The following GRID2 variants were observed in gnomAD, a reference collection of about 807,000 sequenced individuals.
GRID2 encodes the protein glutamate receptor ionotropic, delta-2.
A neutral mutation model predicts 114.8 loss-of-function variants in GRID2; 33 were observed. That is an observed-to-expected ratio of 0.29 (90% CI 0.22 to 0.38). The LOEUF (loss-of-function observed/expected upper bound fraction) is 0.38, where lower values mean the gene tolerates loss of function less well. GRID2 is among the 10% of genes least tolerant of loss of function. GRID2 has a pLI of 1.00. For synonymous variants in GRID2, 505 were observed against 449.9 expected (o/e 1.12, Z -1.55); for missense variants, 1,184 against 1,257.7 (o/e 0.94, Z 0.89).
Position 92,477,537 on chromosome 4 carries a change from C to T in GRID2, c.89-112594C>T, listed in dbSNP as rs143919106. Among the ~76,000 whole-genome samples, 19 of 151,896 alleles carry T rather than the reference C, an allele frequency of 1.3e-4. 1 individual carries two copies. In the East Asian group the frequency reaches 2.5e-3, roughly 20 times the overall value. ...AATACCTTTAATATGTGAATCTATGCATCATACTCACCATTTATCACTCTA... is the reference window on the plus strand; with the variant it reads ...AATACCTTTAATATGTGAATCTATGTATCATACTCACCATTTATCACTCTA... On this transcript the variant is annotated intron_variant, in intron 1 of 15. Coordinates refer to ENST00000282020, the MANE Select transcript of GRID2 (RefSeq NM_001510.4).
At chr4:93,535,672 A>G (rs1731987616) in intron 13 of GRID2, among the ~76,000 whole-genome samples, 3 of 151,876 alleles carry the variant, frequency 2.0e-5, no homozygotes, top group South Asian at 2.1e-4. Flanking sequence ...TTTTTCTTAT[A>G]CCTGTTGGCC....
At chr4:93,697,025 C>CA (rs1418002557) in intron 14 of GRID2, among the ~76,000 whole-genome samples, 4 of 151,972 alleles carry the variant, frequency 2.6e-5, no homozygotes, top group African/African-American at 7.2e-5. Flanking sequence ...TGCTATTATG[C>CA]AAAAAATACT....
At chr4:93,227,394 A>T (rs539970866) in intron 7 of GRID2, among the ~76,000 whole-genome samples, 35 of 151,754 alleles carry the variant, frequency 2.3e-4, no homozygotes, top group African/African-American at 8.5e-4. Flanking sequence ...CACCTGGCTA[A>T]TTTTTTGTAT....
intron 4 of GRID2, among the ~76,000 whole-genome samples, chr4:93,122,205 A>G (rs951678985): frequency 1.3e-5 from 2 of 152,150 alleles, no homozygotes; most frequent in Non-Finnish European, 2.9e-5. Flanking sequence ...AGGTTTTTCT[A>G]GAAACTTGTT....
chr4:92,679,558 T>G (rs1733544286), intron 2 of GRID2, among the ~76,000 whole-genome samples: 1 of 152,090 alleles, frequency 6.6e-6, no homozygotes, highest in African/African-American at 2.4e-5. Flanking sequence ...AACTATTTAT[T>G]TTTAATACCT....
chr4:92,790,248 A>C (rs1311681401), intron 2 of GRID2, among the ~76,000 whole-genome samples: 1 of 151,734 alleles, frequency 6.6e-6, no homozygotes, highest in Non-Finnish European at 1.5e-5. Context: ...CTGTCTACTT[A>C]GATTTGGATT....
intron 1 of GRID2, among the ~76,000 whole-genome samples, chr4:92,423,210 G>A (rs1361116448): frequency 6.6e-6 from 1 of 152,130 alleles, no homozygotes; most frequent in Non-Finnish European, 1.5e-5. Flanking sequence ...TGTAGGTAGA[G>A]CTATATAGTA....
intron 10 of GRID2, among the ~76,000 whole-genome samples, chr4:93,444,530 T>C (rs1233669175): frequency 2.0e-5 from 3 of 151,972 alleles, no homozygotes; most frequent in Non-Finnish European, 4.4e-5. Context: ...AAGAAACACT[T>C]TTCAAATGAA....
At chr4:93,198,544 A>G (rs983872531) in intron 4 of GRID2, among the ~76,000 whole-genome samples, 1 of 152,138 alleles carries the variant, frequency 6.6e-6, no homozygotes, top group African/African-American at 2.4e-5. Flanking sequence ...AATACGTACA[A>G]CATGGCCCTC....
chr4:92,812,023 T>C (rs1740685668), intron 2 of GRID2, among the ~76,000 whole-genome samples: 1 of 152,112 alleles, frequency 6.6e-6, no homozygotes, highest in Non-Finnish European at 1.5e-5. Context: ...ATTTGTTTGC[T>C]CCCTACAATA....
At chr4:92,921,324 C>T (rs761078598) in intron 2 of GRID2, among the ~76,000 whole-genome samples, 6 of 152,088 alleles carry the variant, frequency 3.9e-5, no homozygotes, top group South Asian at 2.1e-4. Flanking sequence ...GTAGTTTGAT[C>T]GTCTGAAGCT....
chr4:93,196,536 A>G (rs890562412), intron 4 of GRID2, among the ~76,000 whole-genome samples: 1 of 152,282 alleles, frequency 6.6e-6, no homozygotes, highest in Admixed American at 6.5e-5. Context: ...GGAAAAGTCC[A>G]AGGATAACAG....
intron 8 of GRID2, among the ~76,000 whole-genome samples, chr4:93,378,904 C>T (rs993883206): frequency 6.6e-6 from 1 of 151,928 alleles, no homozygotes; most frequent in Non-Finnish European, 1.5e-5. Context: ...ATAGAACATC[C>T]CTGTACAAAA....
At chr4:92,662,453 A>G (rs1732565543) in intron 2 of GRID2, among the ~76,000 whole-genome samples, 1 of 151,100 alleles carries the variant, frequency 6.6e-6, no homozygotes, top group Non-Finnish European at 1.5e-5. Context: ...TTTAACATAT[A>G]CATGCATAAA....
chr4:92,347,209 C>T (rs917090204), intron 1 of GRID2, among the ~76,000 whole-genome samples: 1 of 152,140 alleles, frequency 6.6e-6, no homozygotes, highest in Non-Finnish European at 1.5e-5. Flanking sequence ...ATGATGAGTT[C>T]ATTTTAAATA....
intron 14 of GRID2, among the ~76,000 whole-genome samples, chr4:93,742,276 C>T (rs1247550980): frequency 6.6e-6 from 1 of 152,158 alleles, no homozygotes; most frequent in African/African-American, 2.4e-5. Flanking sequence ...ACAAGCCAGA[C>T]TACAAGCTTT....
chr4:93,567,630 A>C (rs544956942), intron 13 of GRID2, among the ~76,000 whole-genome samples: 1 of 152,218 alleles, frequency 6.6e-6, no homozygotes, highest in Non-Finnish European at 1.5e-5. Context: ...TGTGTTGGGA[A>C]ATAAAAGGCA....
chr4:92,381,754 C>T (rs1729630881), intron 1 of GRID2, among the ~76,000 whole-genome samples: 1 of 151,962 alleles, frequency 6.6e-6, no homozygotes, highest in African/African-American at 2.4e-5. Flanking sequence ...ACTTTGAAAT[C>T]TGAACTGAAC....
At chr4:92,881,678 T>C (rs1746027982) in intron 2 of GRID2, among the ~76,000 whole-genome samples, 1 of 152,182 alleles carries the variant, frequency 6.6e-6, no homozygotes, top group South Asian at 2.1e-4. Context: ...ACTTTTGTTA[T>C]AGTTATTAGG....
Sources: allele counts gnomAD v4.1 joint callset (sites outside exome capture counted in the v4.1 genomes callset), GRCh38; gene constraint gnomAD v4.1.1; transcripts MANE v1.5; gene names NCBI Gene and HGNC (gene_info 2026-07-23, HGNC 2026-07-21).